DUSP22: variants seen among roughly 807,000 people sequenced by gnomAD.
DUSP22 encodes the protein dual specificity phosphatase 22, also known as dual specificity protein phosphatase 22.
In DUSP22, 24 loss-of-function variants were observed where a neutral mutation model predicts 24.5. The observed-to-expected ratio is 0.98, with a 90% CI of 0.71 to 1.38. DUSP22 has a LOEUF of 1.38. Ranked by LOEUF, DUSP22 falls within the 40% of genes most tolerant of loss-of-function variation. The pLI is 0.00. For missense variants in DUSP22, 330 were observed against 269.2 expected, an observed-to-expected ratio of 1.23 and a Z score of -1.58; for synonymous variants, 160 against 106.4, an observed-to-expected ratio of 1.50 and a Z score of -3.10.
intron 3 of DUSP22, among the ~76,000 whole-genome samples, chr6:327,779 C>T (rs568860931): frequency 2.0e-5 from 3 of 152,408 alleles, no homozygotes; most frequent in African/African-American, 4.8e-5. Flanking sequence ...AAAGCCTATT[C>T]CAGAGAGAGA....
At chr6:308,304 A>G (rs945890435) in intron 2 of DUSP22, among the ~76,000 whole-genome samples, 4 of 152,302 alleles carry the variant, frequency 2.6e-5, no homozygotes, top group Non-Finnish European at 5.9e-5. Context: ...CTTGAGCCTT[A>G]CAGCTGGATT....
At chr6:306,757 G>T (rs1448836073) in intron 2 of DUSP22, among the ~76,000 whole-genome samples, 2 of 152,312 alleles carry the variant, frequency 1.3e-5, no homozygotes, top group Non-Finnish European at 2.9e-5. Context: ...CACACGATGT[G>T]CTGGGAGTTG....
intron 3 of DUSP22, among the ~76,000 whole-genome samples, chr6:329,643 G>A (rs1181429817): frequency 6.6e-6 from 1 of 152,240 alleles, no homozygotes; most frequent in Non-Finnish European, 1.5e-5. Context: ...TAGTAGAGAC[G>A]GGGTTTTACC....
intron 1 of DUSP22, 56 bp from the exon 2 acceptor site, chr6:304,572 C>T: frequency 6.2e-7 from 1 of 1,613,036 alleles, no homozygotes; most frequent in East Asian, 2.2e-5. Flanking sequence ...CCCCCTTCTG[C>T]AATACCATCC....
intron 3 of DUSP22, among the ~76,000 whole-genome samples, chr6:331,200 T>C (rs1362662775): frequency 3.9e-5 from 6 of 152,306 alleles, no homozygotes; most frequent in Non-Finnish European, 7.3e-5. Flanking sequence ...TGATGTTAAT[T>C]GGCTTTCCAC....
intron 5 of DUSP22, among the ~76,000 whole-genome samples, chr6:347,265 G>A (rs562129900): frequency 1.4e-4 from 22 of 152,412 alleles, no homozygotes; most frequent in Admixed American, 1.2e-3. Context: ...CTTGAGAGTG[G>A]GGTTTTAAAA....
At chr6:343,067 C>T (rs1581190521) in intron 4 of DUSP22, among the ~76,000 whole-genome samples, 1 of 150,814 alleles carries the variant, frequency 6.6e-6, no homozygotes, top group African/African-American at 2.5e-5. Flanking sequence ...TGCGGCCTGG[C>T]TGTAATGGGT....
intron 3 of DUSP22, among the ~76,000 whole-genome samples, chr6:334,308 T>A (rs2127412754): frequency 6.6e-6 from 1 of 152,430 alleles, no homozygotes; most frequent in East Asian, 1.9e-4. Context: ...CCATAATCTC[T>A]TACAAAGAGA....
At chr6:300,241 G>A (rs893002828) in intron 1 of DUSP22, among the ~76,000 whole-genome samples, 16 of 152,422 alleles carry the variant, frequency 1.0e-4, no homozygotes, top group African/African-American at 2.6e-4. Context: ...TGGTTGCACC[G>A]TGGTCACTTC....
intron 1 of DUSP22, among the ~76,000 whole-genome samples, chr6:296,679 C>A (rs934644241): frequency 6.6e-6 from 1 of 152,296 alleles, no homozygotes; most frequent in African/African-American, 2.4e-5. Flanking sequence ...CTACAATACC[C>A]CATTAAAAAC....
intron 4 of DUSP22, among the ~76,000 whole-genome samples, 153 bp from the exon 5 acceptor site, chr6:345,701 G>C (rs1273930202): frequency 6.6e-6 from 1 of 152,308 alleles, no homozygotes; most frequent in Non-Finnish European, 1.5e-5. Context: ...GCATTGAAGT[G>C]TCACACTGTA....
intron 1 of DUSP22, among the ~76,000 whole-genome samples, chr6:292,910 G>C (rs151171135): frequency 6.6e-6 from 1 of 152,250 alleles, no homozygotes; most frequent in East Asian, 1.9e-4. Context: ...CCTCCTCTTC[G>C]CTCCCAAACT....
intron 1 of DUSP22, among the ~76,000 whole-genome samples, chr6:303,073 CAGA>C (rs1465047955): frequency 6.6e-6 from 1 of 152,304 alleles, no homozygotes; most frequent in Non-Finnish European, 1.5e-5. Context: ...CACTGCCAGA[CAGA>C]AGAGCCACAT....
chr6:349,314 A>C lies in DUSP22; in HGVS notation c.*363A>C. 8.6e-7 allele frequency: 1 copy of C among 1,169,410 alleles called. No homozygotes were observed. Among genetic ancestry groups the C allele is most frequent in the East Asian group, 4.9e-5 (1 of 20,500 alleles). The allele number at this position is 1,169,410 out of a possible 1,614,324, so 72.4% of individuals were successfully genotyped here. A position where few individuals can be genotyped will look rare whatever the true frequency, so the allele number is the denominator to read the frequency against. On this transcript the variant is annotated 3_prime_UTR_variant, in exon 7 of 7. Coordinates refer to ENST00000419235, the MANE Select transcript of DUSP22 (RefSeq NM_001286555.3). ...GTGTGTACATGTGTGTATGTTGTGA[A>C]AGTGTCTGTGCACATGAATGTTTGT...
At chr6:298,886 G>T (rs1757458606) in intron 1 of DUSP22, among the ~76,000 whole-genome samples, 1 of 152,284 alleles carries the variant, frequency 6.6e-6, no homozygotes, top group Non-Finnish European at 1.5e-5. Context: ...CAGTCCGAAA[G>T]TAAGGAAATG....
intron 6 of DUSP22, 116 bp downstream of exon 6, chr6:348,390 C>T: frequency 2.7e-6 from 4 of 1,503,250 alleles, no homozygotes; most frequent in South Asian, 1.3e-5. Context: ...CCACAGAGGA[C>T]ATCGGCTCCC....
intron 2 of DUSP22, among the ~76,000 whole-genome samples, chr6:311,140 C>G (rs1758066973): frequency 6.6e-6 from 1 of 152,294 alleles, no homozygotes; most frequent in South Asian, 2.1e-4. Context: ...ATAGAAATAA[C>G]ATTGGTTAGT....
chr6:324,926 G>C (rs1190145812), intron 3 of DUSP22, among the ~76,000 whole-genome samples: 1 of 152,302 alleles, frequency 6.6e-6, no homozygotes, highest in East Asian at 1.9e-4. Flanking sequence ...GTTCCCAGCA[G>C]CGCTTCGTGC....
At chr6:339,091 A>G (rs960426922) in intron 4 of DUSP22, among the ~76,000 whole-genome samples, 1 of 152,300 alleles carries the variant, frequency 6.6e-6, no homozygotes, top group Non-Finnish European at 1.5e-5. Context: ...CAGAGTTGTA[A>G]TAACCCCACA....
Sources: allele counts gnomAD v4.1 joint callset (sites outside exome capture counted in the v4.1 genomes callset), GRCh38; gene constraint gnomAD v4.1.1; transcripts MANE v1.5; gene names NCBI Gene and HGNC (gene_info 2026-07-23, HGNC 2026-07-21).